HECTD4: variants seen among roughly 807,000 people sequenced by gnomAD.
HECTD4 encodes HECT domain E3 ubiquitin protein ligase 4, also known as probable E3 ubiquitin-protein ligase HECTD4.
In HECTD4, 114 loss-of-function variants were observed where a neutral mutation model predicts 471.5. That is an observed-to-expected ratio of 0.24 (90% CI 0.21 to 0.28). The LOEUF is 0.28. Among genes scored for constraint, HECTD4 ranks in the 10% least tolerant of loss-of-function variants. HECTD4 has a pLI of 1.00. For missense variants in HECTD4, 3,866 were observed against 5,651.5 expected, an observed-to-expected ratio of 0.68 and a Z score of 10.13; for synonymous variants, 2,012 against 2,256.0, an observed-to-expected ratio of 0.89 and a Z score of 3.07.
intron 1 of HECTD4, among the ~76,000 whole-genome samples, chr12:112,376,105 T>G (rs1022391141): frequency 6.6e-6 from 1 of 152,120 alleles, no homozygotes; most frequent in African/African-American, 2.4e-5. Context: ...AATTCCTATA[T>G]GCCTTTTGCT....
At chr12:112,171,428 C>A in intron 67 of HECTD4, 165 bp from the exon 68 acceptor site, 1 of 1,136,114 alleles carries the variant, frequency 8.8e-7, no homozygotes, top group Non-Finnish European at 1.2e-6. Flanking sequence ...TGTGCCTGTG[C>A]CTATGCCAAG....
At chr12:112,283,066 G>C (rs1253850548) in intron 8 of HECTD4, 44 bp downstream of exon 8, 1 of 1,515,850 alleles carries the variant, frequency 6.6e-7, no homozygotes, top group East Asian at 2.3e-5. Context: ...TAGCTGAACA[G>C]AGCTATACAA....
intron 60 of HECTD4, among the ~76,000 whole-genome samples, chr12:112,185,703 G>C (rs2031836980): frequency 6.6e-6 from 1 of 152,244 alleles, no homozygotes; most frequent in Non-Finnish European, 1.5e-5. Context: ...CTAAGATTCA[G>C]AGCTGACAGG....
chr12:112,281,118 G>A (rs2034631368), intron 8 of HECTD4, among the ~76,000 whole-genome samples: 2 of 152,006 alleles, frequency 1.3e-5, no homozygotes, highest in African/African-American at 4.8e-5. Context: ...TTGAATGTTC[G>A]CTTACTTTTG....
At chr12:112,347,966 C>T (rs2036187171) in intron 1 of HECTD4, among the ~76,000 whole-genome samples, 1 of 152,194 alleles carries the variant, frequency 6.6e-6, no homozygotes, top group Non-Finnish European at 1.5e-5. Context: ...ATGGGCTCTG[C>T]CTCTATCTTT....
Position 112,258,419 on chromosome 12 carries a change from T to C in HECTD4, c.3128+77A>G, listed in dbSNP as rs149922080. Reference sequence around the variant, plus strand: ...GCTAGATAATCCTTGCTAAAAATCATTTTCATAAAAGGAGTACTACGCTTT... The same window carrying C: ...GCTAGATAATCCTTGCTAAAAATCACTTTCATAAAAGGAGTACTACGCTTT... On this transcript the variant is annotated intron_variant, in intron 20 of 75. Coordinates refer to ENST00000682272, the MANE Select transcript of HECTD4 (RefSeq NM_001388303.1). 248 of 1,031,714 alleles carry C rather than the reference T, an allele frequency of 2.4e-4. 2 individuals carry two copies. In the African/African-American group the frequency reaches 3.4e-3, roughly 14 times the overall value. 63.9% of individuals were successfully genotyped at this position (1,031,714 alleles called of 1,614,324 possible).
chr12:112,367,157 C>G (rs1275845011), intron 1 of HECTD4, among the ~76,000 whole-genome samples: 1 of 150,770 alleles, frequency 6.6e-6, no homozygotes, highest in Non-Finnish European at 1.5e-5. Context: ...CAAAAATTAG[C>G]CAGGTGTGGT....
At chr12:112,276,127 C>T (rs1313212472) in intron 9 of HECTD4, among the ~76,000 whole-genome samples, 4 of 152,306 alleles carry the variant, frequency 2.6e-5, no homozygotes, top group African/African-American at 9.6e-5. Context: ...CTGTTAAAGG[C>T]AAGCACCAAT....
chr12:112,193,783 G>A lies in HECTD4; in HGVS notation c.8750-109C>T. On this transcript the variant is annotated intron_variant, in intron 56 of 75. Transcript: ENST00000682272. The surrounding 1 kb of genome is among the most constrained non-coding windows in gnomAD (Gnocchi z 5.2). ...CCATCCAGAAACCCCAGATGGGAGG[G>A]TTATCCTGGATATGATGTCCTGGAT... 1 of 930,890 alleles carries A rather than the reference G, an allele frequency of 1.1e-6. No homozygotes were observed. The allele number at this position is 930,890 out of a possible 1,614,324, so 57.7% of individuals were successfully genotyped here.
intron 1 of HECTD4, among the ~76,000 whole-genome samples, chr12:112,333,867 G>A (rs943338480): frequency 2.0e-5 from 3 of 152,052 alleles, no homozygotes; most frequent in Non-Finnish European, 2.9e-5. Context: ...TTTCTCATAT[G>A]TATTCTACAC....
At chr12:112,301,905 C>T in intron 7 of HECTD4, 1 of 1,058,560 alleles carries the variant, frequency 9.4e-7, no homozygotes, top group Middle Eastern at 3.0e-4. Context: ...TTAGCCTTTG[C>T]CTTTTCGAGC....
At chr12:112,187,108 T>G (rs188591935) in intron 60 of HECTD4, among the ~76,000 whole-genome samples, 3 of 152,078 alleles carry the variant, frequency 2.0e-5, no homozygotes, top group African/African-American at 7.2e-5. Flanking sequence ...GCCTCCCGAG[T>G]AGCTTGGATT....
In HECTD4 at chr12:112,341,580, G is replaced by A. The variant is rs989741074; in HGVS notation, c.178-21838C>T. ...CTAATTAAAACTCCCTGGAAACCTCGTCTATCGCTTTACGGGTTATTTCTT... is the reference window on the plus strand; with the variant it reads ...CTAATTAAAACTCCCTGGAAACCTCATCTATCGCTTTACGGGTTATTTCTT... On this transcript the variant is annotated intron_variant, in intron 1 of 75. Transcript: ENST00000682272. 4.6e-5 allele frequency among the ~76,000 whole-genome samples: 7 copies of A among 152,060 alleles called. No homozygotes were observed. The East Asian group carries it at 5.8e-4, about 13-fold the overall frequency.
At chr12:112,221,722 T>C (rs757864578) in intron 44 of HECTD4, among the ~76,000 whole-genome samples, 2 of 151,826 alleles carry the variant, frequency 1.3e-5, no homozygotes, top group African/African-American at 4.8e-5. Context: ...AGAGGCAACA[T>C]AGGGAGACGC....
At chr12:112,291,306 A>C (rs1326418873) in intron 7 of HECTD4, among the ~76,000 whole-genome samples, 3 of 152,158 alleles carry the variant, frequency 2.0e-5, no homozygotes, top group Admixed American at 2.0e-4. Flanking sequence ...TTTCACCCCC[A>C]CATATTTCAG....
intron 60 of HECTD4, among the ~76,000 whole-genome samples, chr12:112,186,662 CTTTT>C (rs778779883): frequency 1.7e-5 from 2 of 116,642 alleles, no homozygotes; most frequent in African/African-American, 3.2e-5. Context: ...TTTTAAGCTG[CTTTT>C]TTTTTTTTTT....
chr12:112,162,603 C>G lies in HECTD4; in HGVS notation c.13121-80G>C. 1 of 1,573,220 alleles carries G rather than the reference C, an allele frequency of 6.4e-7. No homozygotes were observed. Among genetic ancestry groups the G allele is most frequent in the East Asian group, 2.3e-5 (1 of 44,062 alleles). ...AGGGAAGCTGGGCTGGCCTCTGCTTCCAGGTTTGCCTCCTTGGGTAGCCCC... is the reference window on the plus strand; with the variant it reads ...AGGGAAGCTGGGCTGGCCTCTGCTTGCAGGTTTGCCTCCTTGGGTAGCCCC... On this transcript the variant is annotated intron_variant, in intron 75 of 75. Transcript: ENST00000682272. The surrounding 1 kb of genome is among the most constrained non-coding windows in gnomAD (Gnocchi z 5.2).
chr12:112,377,083 G>T (rs924234026), intron 1 of HECTD4, among the ~76,000 whole-genome samples: 1 of 152,130 alleles, frequency 6.6e-6, no homozygotes, highest in Non-Finnish European at 1.5e-5. Context: ...CTGCATTCCA[G>T]CCTGGGAAAC....
chr12:112,176,584 C>T lies in HECTD4; in HGVS notation c.11470+12G>A. On this transcript the variant is annotated intron_variant, in intron 65 of 75. Transcript: ENST00000682272. ...GGTCCCAGCCCACTCCAGGCCCCGT[C>T]TGCTCATTCACCTTCTTGTTTTTTG... The T allele has an allele frequency of 6.3e-7, 1 of 1,590,798 alleles. No homozygotes were observed. Among genetic ancestry groups the T allele is most frequent in the Non-Finnish European group, 8.6e-7 (1 of 1,158,688 alleles).
Sources: gnomAD v4.1 joint callset for allele counts (sites outside exome capture counted in the v4.1 genomes callset) on GRCh38, gnomAD v4.1.1 for gene constraint, Gnocchi (gnomAD v3.1) non-coding constraint, MANE v1.5 for transcripts, NCBI Gene and HGNC (gene_info 2026-07-23, HGNC 2026-07-21) for gene names.